The following CSGALNACT1 variants were observed in gnomAD, a reference collection of about 807,000 sequenced individuals.
CSGALNACT1 encodes the protein chondroitin sulfate N-acetylgalactosaminyltransferase 1, also known as beta4GalNAcT-1.
A neutral mutation model predicts 51.0 loss-of-function variants in CSGALNACT1; 52 were observed. That is an observed-to-expected ratio of 1.02 (90% CI 0.82 to 1.29). CSGALNACT1 has a LOEUF of 1.29. Among genes scored for constraint, CSGALNACT1 ranks in the 50% most tolerant of loss-of-function variants. The pLI, the probability that CSGALNACT1 is intolerant of heterozygous loss-of-function variation, is 0.00. For synonymous variants in CSGALNACT1, 341 were observed against 254.4 expected (o/e 1.34, Z -3.24); for missense variants, 935 against 679.2 (o/e 1.38, Z -4.19).
At chr8:19,662,074 ACCCCCCCCC>A (rs1159242984) in intron 1 of CSGALNACT1, among the ~76,000 whole-genome samples, 1 of 35,016 alleles carries the variant, frequency 2.9e-5, no homozygotes, top group Non-Finnish European at 5.4e-5. Flanking sequence ...ACCCCCCCCC[ACCCCCCCCC>A]CCCCCCGCAT....
chr8:19,443,654 G>C (rs116724162), intron 5 of CSGALNACT1, among the ~76,000 whole-genome samples: 2,220 of 152,268 alleles, frequency 0.015, 48 homozygotes, highest in African/African-American at 0.051. Context: ...AACTGCACTC[G>C]TGATTCAATG....
intron 6 of CSGALNACT1, among the ~76,000 whole-genome samples, chr8:19,436,704 T>G (rs1389265254): frequency 6.6e-6 from 1 of 152,130 alleles, no homozygotes; most frequent in Admixed American, 6.5e-5. Flanking sequence ...GCCAGGGGTT[T>G]GAAACCAGCC....
chr8:19,412,716 C>G (rs2056090173), intron 8 of CSGALNACT1, among the ~76,000 whole-genome samples: 1 of 152,176 alleles, frequency 6.6e-6, no homozygotes, highest in Non-Finnish European at 1.5e-5. Flanking sequence ...ACCTTTTGAT[C>G]AGGGGCTCAC....
intron 8 of CSGALNACT1, among the ~76,000 whole-genome samples, chr8:19,414,933 C>G (rs1211304268): frequency 6.6e-6 from 1 of 152,166 alleles, no homozygotes. Flanking sequence ...TGATCCATCT[C>G]CAACCATTAC....
chr8:19,445,612 AC>A (rs1563434117), intron 5 of CSGALNACT1, among the ~76,000 whole-genome samples: 1 of 152,212 alleles, frequency 6.6e-6, no homozygotes, highest in African/African-American at 2.4e-5. Context: ...CAGATACTCT[AC>A]CAGTGGATCT....
chr8:19,662,434 G>A (rs903599253), intron 1 of CSGALNACT1, among the ~76,000 whole-genome samples: 3 of 152,034 alleles, frequency 2.0e-5, no homozygotes, highest in Admixed American at 6.6e-5. Context: ...ATTACAACAA[G>A]GTTTTATGTT....
intron 1 of CSGALNACT1, among the ~76,000 whole-genome samples, chr8:19,621,631 A>T (rs1043740944): frequency 6.6e-6 from 1 of 152,002 alleles, no homozygotes. Flanking sequence ...ATTTTTTTAC[A>T]TTAGCCAGGT....
intron 3 of CSGALNACT1, among the ~76,000 whole-genome samples, chr8:19,548,660 T>C (rs1047074756): frequency 4.6e-5 from 7 of 152,234 alleles, no homozygotes; most frequent in African/African-American, 1.7e-4. Context: ...AAGCACATGA[T>C]TTTAAAATCA....
intron 1 of CSGALNACT1, among the ~76,000 whole-genome samples, chr8:19,711,168 C>T (rs904806350): frequency 1.3e-5 from 2 of 151,994 alleles, no homozygotes; most frequent in Admixed American, 1.3e-4. Context: ...AGTCCTTTTG[C>T]TAAGTCAGGC....
intron 2 of CSGALNACT1, among the ~76,000 whole-genome samples, chr8:19,593,702 A>G (rs1266242250): frequency 6.6e-6 from 1 of 152,214 alleles, no homozygotes; most frequent in Non-Finnish European, 1.5e-5. Flanking sequence ...ACAGAGAAAA[A>G]GATCCTTGAG....
exon 10 of CSGALNACT1, chr8:19,405,030 T>C: frequency 2.2e-6 from 1 of 453,578 alleles, no homozygotes; most frequent in Non-Finnish European, 4.4e-6. Context: ...AAAGTTCTCA[T>C]AATGCATCTC....
intron 1 of CSGALNACT1, among the ~76,000 whole-genome samples, chr8:19,619,581 A>C (rs1210030972): frequency 6.6e-6 from 1 of 152,166 alleles, no homozygotes; most frequent in Non-Finnish European, 1.5e-5. Flanking sequence ...GACTAGGGGC[A>C]GGTTCAAGAG....
chr8:19,601,690 T>C (rs1256656844), intron 2 of CSGALNACT1, 81 bp downstream of exon 2: 5 of 371,592 alleles, frequency 1.3e-5, no homozygotes, highest in Non-Finnish European at 2.1e-5. Context: ...TGAAATTTCA[T>C]ACATTTCAAA....
chr8:19,553,700 A>C (rs2088890823), intron 3 of CSGALNACT1, among the ~76,000 whole-genome samples: 3 of 147,488 alleles, frequency 2.0e-5, no homozygotes, highest in Admixed American at 6.8e-5. Flanking sequence ...AGGATGATTA[A>C]GGCACAAAAC....
chr8:19,462,360 T>A (rs960493373), intron 4 of CSGALNACT1, among the ~76,000 whole-genome samples: 1 of 151,934 alleles, frequency 6.6e-6, no homozygotes, highest in African/African-American at 2.4e-5. Flanking sequence ...TTTTTCCCAA[T>A]GAAGTCATTT....
upstream of CSGALNACT1, among the ~76,000 whole-genome samples, chr8:19,686,064 A>T (rs1172573153): frequency 3.3e-5 from 5 of 152,166 alleles, no homozygotes; most frequent in African/African-American, 1.2e-4. Context: ...TACACAAATG[A>T]CTACACAGCA....
At chr8:19,530,325 C>G (rs2082516593) in intron 3 of CSGALNACT1, among the ~76,000 whole-genome samples, 1 of 151,624 alleles carries the variant, frequency 6.6e-6, no homozygotes, top group African/African-American at 2.4e-5. Context: ...CACACACACA[C>G]ACACACACAC....
chr8:19,678,426 A>G (rs2060354098), intron 1 of CSGALNACT1: 1 of 152,208 alleles, frequency 6.6e-6, no homozygotes, highest in Non-Finnish European at 1.5e-5. Flanking sequence ...AAGGGTAACT[A>G]TTACAGAAAG....
intron 1 of CSGALNACT1, among the ~76,000 whole-genome samples, chr8:19,723,470 A>C (rs1259484438): frequency 6.6e-6 from 1 of 152,256 alleles, no homozygotes; most frequent in East Asian, 1.9e-4. Context: ...TGTTTGCCAC[A>C]AACCACATGA....
Sources: allele counts gnomAD v4.1 joint callset (sites outside exome capture counted in the v4.1 genomes callset), GRCh38; gene constraint gnomAD v4.1.1; transcripts MANE v1.5; gene names NCBI Gene and HGNC (gene_info 2026-07-23, HGNC 2026-07-21).